SPIDR: variants seen among roughly 807,000 people sequenced by gnomAD.
The protein encoded by SPIDR is DNA repair-scaffolding protein.
In SPIDR, 93 loss-of-function variants were observed where a neutral mutation model predicts 104.6. The observed-to-expected ratio is 0.89, with a 90% CI of 0.75 to 1.06. SPIDR has a LOEUF of 1.06. Among genes scored for constraint, SPIDR ranks in the 50% least tolerant of loss-of-function variants. The pLI, the probability that SPIDR is intolerant of heterozygous loss-of-function variation, is 0.00. For missense variants in SPIDR, 1,154 were observed against 1,111.2 expected, an observed-to-expected ratio of 1.04 and a Z score of -0.55; for synonymous variants, 431 against 416.9, an observed-to-expected ratio of 1.03 and a Z score of -0.41.
At chr8:47,486,369 A>T (rs1484989119) in intron 8 of SPIDR, among the ~76,000 whole-genome samples, 1 of 152,238 alleles carries the variant, frequency 6.6e-6, no homozygotes, top group South Asian at 2.1e-4. Flanking sequence ...GACCAAATCT[A>T]CGTCTGATTG....
At chr8:47,659,810 A>T in intron 10 of SPIDR, 1 of 794,476 alleles carries the variant, frequency 1.3e-6, no homozygotes, top group Non-Finnish European at 1.5e-6. Flanking sequence ...TATAAAGTGG[A>T]GGGCAGGTCT....
intron 8 of SPIDR, among the ~76,000 whole-genome samples, chr8:47,479,524 AG>A: frequency 6.6e-6 from 1 of 152,322 alleles, no homozygotes; most frequent in African/African-American, 2.4e-5. Context: ...TGGTGAGCTT[AG>A]CAGCACAGCC....
At chr8:47,320,857 T>C (rs1479182886) in intron 5 of SPIDR, among the ~76,000 whole-genome samples, 2 of 152,164 alleles carry the variant, frequency 1.3e-5, no homozygotes, top group African/African-American at 2.4e-5. Context: ...CACATGATTA[T>C]CTCAATAGAT....
At chr8:47,331,965 CT>C (rs1183447584) in intron 5 of SPIDR, among the ~76,000 whole-genome samples, 2,001 of 32,610 alleles carry the variant, frequency 0.061, 18 homozygotes, top group Middle Eastern at 0.079. Context: ...TTTTTTTAAA[CT>C]TTTTTTTTTT....
intron 10 of SPIDR, chr8:47,654,131 C>T: frequency 7.8e-7 from 1 of 1,289,776 alleles, no homozygotes. Context: ...TTGGGATACT[C>T]CCAAAGTTCT....
chr8:47,319,009 A>G (rs1411831591), intron 5 of SPIDR, among the ~76,000 whole-genome samples: 4 of 151,204 alleles, frequency 2.6e-5, no homozygotes, highest in African/African-American at 9.7e-5. Flanking sequence ...TGCAAAGACC[A>G]TCAAGGCTAG....
intron 8 of SPIDR, among the ~76,000 whole-genome samples, chr8:47,569,499 G>C (rs1314945623): frequency 2.0e-5 from 3 of 152,132 alleles, no homozygotes; most frequent in African/African-American, 4.8e-5. Context: ...TTCCAGGATA[G>C]ATTATTTGTT....
At chr8:47,290,265 T>C (rs1380803314) in intron 3 of SPIDR, among the ~76,000 whole-genome samples, 1 of 152,122 alleles carries the variant, frequency 6.6e-6, no homozygotes, top group African/African-American at 2.4e-5. Flanking sequence ...CTGGTCTCGA[T>C]TATATAACAT....
intron 8 of SPIDR, among the ~76,000 whole-genome samples, chr8:47,558,113 A>G (rs2091534261): frequency 6.6e-6 from 1 of 152,198 alleles, no homozygotes; most frequent in African/African-American, 2.4e-5. Context: ...GTACACATGT[A>G]CATAAAGATA....
At chr8:47,436,659 G>A (rs1554692186) in intron 7 of SPIDR, among the ~76,000 whole-genome samples, 4 of 152,202 alleles carry the variant, frequency 2.6e-5, no homozygotes, top group East Asian at 3.8e-4. Flanking sequence ...CCAGGTTATC[G>A]AGGCTGCAGT....
At chr8:47,418,860 C>T (rs1356021532) in intron 7 of SPIDR, among the ~76,000 whole-genome samples, 1 of 152,212 alleles carries the variant, frequency 6.6e-6, no homozygotes, top group Admixed American at 6.5e-5. Flanking sequence ...GGCTTTTCTA[C>T]ATCTATTGAG....
At chr8:47,320,686 C>G (rs2046375792) in intron 5 of SPIDR, among the ~76,000 whole-genome samples, 1 of 152,086 alleles carries the variant, frequency 6.6e-6, no homozygotes, top group Non-Finnish European at 1.5e-5. Context: ...AACATGGATG[C>G]AAAAATCCTC....
chr8:47,573,165 G>T (rs953577014), intron 8 of SPIDR, among the ~76,000 whole-genome samples: 1 of 152,162 alleles, frequency 6.6e-6, no homozygotes, highest in East Asian at 1.9e-4. Flanking sequence ...GTGAAGTTAC[G>T]AGTGAAAAGT....
At chr8:47,671,451 A>C (rs1314768095) in intron 10 of SPIDR, among the ~76,000 whole-genome samples, 4 of 151,900 alleles carry the variant, frequency 2.6e-5, no homozygotes, top group Non-Finnish European at 5.9e-5. Flanking sequence ...CAGGTGTGGC[A>C]GTGGGCTCCT....
intron 7 of SPIDR, among the ~76,000 whole-genome samples, chr8:47,422,231 C>T (rs2065624832): frequency 1.3e-5 from 2 of 152,180 alleles, no homozygotes; most frequent in Admixed American, 1.3e-4. Context: ...GGCAGGCAGG[C>T]CTCCTTGAGC....
At chr8:47,582,872 A>AT (rs1564394341) in intron 8 of SPIDR, among the ~76,000 whole-genome samples, 1 of 128,698 alleles carries the variant, frequency 7.8e-6, no homozygotes, top group African/African-American at 2.6e-5. Context: ...ACACACACAT[A>AT]TTTTTAAAAG....
chr8:47,705,812 G>A lies in SPIDR; in HGVS notation c.1977+3797G>A, dbSNP rs370955871. Among the ~76,000 whole-genome samples the A allele has an allele frequency of 3.9e-4, 59 of 152,054 alleles. 2 individuals carry two copies. The South Asian group carries it at 0.012, about 31-fold the overall frequency. On this transcript the variant is annotated intron_variant, in intron 14 of 19. Coordinates refer to ENST00000297423, the MANE Select transcript of SPIDR (RefSeq NM_001080394.4). ...TCAGCTACTTGGGAGGCTGACATGG[G>A]AGGATCCCTTGAGCCCAGGAGGTTG... is the stretch of plus-strand genomic sequence containing the variant.
intron 8 of SPIDR, among the ~76,000 whole-genome samples, chr8:47,496,063 C>T (rs1193554421): frequency 6.6e-6 from 1 of 152,024 alleles, no homozygotes; most frequent in Non-Finnish European, 1.5e-5. Flanking sequence ...ATCATATAAA[C>T]TTGTTAAACT....
intron 1 of SPIDR, among the ~76,000 whole-genome samples, chr8:47,268,054 A>T (rs1370585297): frequency 6.6e-6 from 1 of 152,164 alleles, no homozygotes; most frequent in Non-Finnish European, 1.5e-5. Context: ...TTCGATGTGG[A>T]TACCCAGTTG....
Sources: gnomAD v4.1 joint callset for allele counts (sites outside exome capture counted in the v4.1 genomes callset) on GRCh38, gnomAD v4.1.1 for gene constraint, MANE v1.5 for transcripts, NCBI Gene and HGNC (gene_info 2026-07-23, HGNC 2026-07-21) for gene names.